The following ROBO2 variants were observed in gnomAD, a reference collection of about 807,000 sequenced individuals.
ROBO2 encodes the protein roundabout homolog 2.
ROBO2 carries 53 observed loss-of-function variants against 160.8 expected under a neutral mutation model. That is an observed-to-expected ratio of 0.33 (90% confidence interval 0.26 to 0.41). ROBO2 has a LOEUF of 0.41. Among genes scored for constraint, ROBO2 ranks in the 10% least tolerant of loss-of-function variants. The pLI, the probability that ROBO2 is intolerant of heterozygous loss-of-function variation, is 1.00. For synonymous variants in ROBO2, 664 were observed against 611.7 expected (o/e 1.09, Z -1.26); for missense variants, 1,577 against 1,722.4 (o/e 0.92, Z 1.49).
intron 2 of ROBO2, among the ~76,000 whole-genome samples, chr3:76,654,334 G>A (rs1042067401): frequency 6.6e-6 from 1 of 152,110 alleles, no homozygotes; most frequent in African/African-American, 2.4e-5. Flanking sequence ...AGTGTTGGCA[G>A]TTAATTACAG....
At chr3:76,317,936 AT>A (rs1480213950) in intron 2 of ROBO2, among the ~76,000 whole-genome samples, 2 of 152,006 alleles carry the variant, frequency 1.3e-5, no homozygotes, top group Admixed American at 6.5e-5. Context: ...TGTCCTGAGT[AT>A]TTTTTATCCA....
intron 2 of ROBO2, among the ~76,000 whole-genome samples, chr3:77,446,329 TATG>T (rs2080507104): frequency 1.3e-5 from 2 of 152,050 alleles, no homozygotes; most frequent in Non-Finnish European, 2.9e-5. Flanking sequence ...CTCTTTCTCA[TATG>T]ATAATGTTTT....
rs898109102 is a variant in ROBO2 at position 77,506,002 on chromosome 3, A to G, written c.806+12620A>G. 3.9e-5 allele frequency among the ~76,000 whole-genome samples: 6 copies of G among 152,160 alleles called. 1 individual carries two copies. The highest frequency in any genetic ancestry group is 4.1e-4 in the South Asian group (2 of 4,834). On this transcript the variant is annotated intron_variant, in intron 5 of 25. Transcript: ENST00000461745. ...ATGCTTCCAGCAGCCTTAAAGTTTG[A>G]GTCCCTTCTTTAAACAGAGGAGAAA...
chr3:76,304,635 G>C (rs1023845665), intron 2 of ROBO2, among the ~76,000 whole-genome samples: 15 of 152,146 alleles, frequency 9.9e-5, no homozygotes, highest in African/African-American at 3.6e-4. Flanking sequence ...TAATGAGAAG[G>C]AAAGTAGTTA....
chr3:76,605,490 T>G (rs562207118), intron 2 of ROBO2, among the ~76,000 whole-genome samples: 1 of 152,292 alleles, frequency 6.6e-6, no homozygotes, highest in South Asian at 2.1e-4. Flanking sequence ...CAATTGTTCA[T>G]GTGAAAAGCC....
intron 1 of ROBO2, among the ~76,000 whole-genome samples, chr3:77,075,118 C>T (rs945847729): frequency 3.9e-5 from 6 of 152,220 alleles, no homozygotes; most frequent in South Asian, 2.1e-4. Flanking sequence ...GTACATAAAA[C>T]GCATCTCTTT....
chr3:76,581,976 G>T (rs1018124631), intron 2 of ROBO2, among the ~76,000 whole-genome samples: 43 of 152,194 alleles, frequency 2.8e-4, no homozygotes, highest in African/African-American at 1.0e-3. Context: ...GAAGTAGGCT[G>T]GTAGAACTGA....
rs372032622 is a variant in ROBO2, at chr3:76,588,416, T to A, written c.110-509598T>A. Among the ~76,000 whole-genome samples, 67 of 152,336 alleles carry A rather than the reference T, an allele frequency of 4.4e-4. 1 individual carries two copies. The South Asian group carries it at 0.013, about 31-fold the overall frequency. ...TTTAATGTTCACATTAGTATACTTG[T>A]TAAAGACTTCTAGAGGATGGATTAA... On this transcript the variant is annotated intron_variant, in intron 2 of 26. Transcript: ENST00000487694.
At chr3:76,249,655 A>G (rs1479556419) in intron 2 of ROBO2, among the ~76,000 whole-genome samples, 2 of 152,242 alleles carry the variant, frequency 1.3e-5, no homozygotes, top group Non-Finnish European at 2.9e-5. Context: ...CAGTGTGTCT[A>G]TGGAATAATA....
At chr3:76,589,267 A>G (rs944830961) in intron 2 of ROBO2, among the ~76,000 whole-genome samples, 1 of 152,204 alleles carries the variant, frequency 6.6e-6, no homozygotes, top group Non-Finnish European at 1.5e-5. Flanking sequence ...TGAAGCTGAA[A>G]AAATGAAAAA....
At chr3:76,110,055 A>G (rs2070151753) in intron 2 of ROBO2, among the ~76,000 whole-genome samples, 1 of 150,904 alleles carries the variant, frequency 6.6e-6, no homozygotes, top group African/African-American at 2.4e-5. Flanking sequence ...ATATATATGA[A>G]TGAATATATA....
intron 2 of ROBO2, among the ~76,000 whole-genome samples, chr3:77,334,354 C>T (rs1362040993): frequency 2.0e-5 from 3 of 152,144 alleles, no homozygotes; most frequent in Admixed American, 1.3e-4. Context: ...GTGTACCTGT[C>T]CTGGATTGCC....
chr3:76,802,627 C>T (rs544472720), intron 2 of ROBO2, among the ~76,000 whole-genome samples: 1 of 151,258 alleles, frequency 6.6e-6, no homozygotes, highest in African/African-American at 2.4e-5. Context: ...ACTCGGGAGG[C>T]TGAGGCAGGA....
At chr3:76,444,574 A>C (rs1295384512) in intron 2 of ROBO2, among the ~76,000 whole-genome samples, 1 of 152,164 alleles carries the variant, frequency 6.6e-6, no homozygotes, top group Non-Finnish European at 1.5e-5. Flanking sequence ...AGTCAAGGGG[A>C]AAGAGCCCCT....
chr3:76,241,800 G>A (rs544352694), intron 2 of ROBO2, among the ~76,000 whole-genome samples: 2 of 152,276 alleles, frequency 1.3e-5, no homozygotes, highest in African/African-American at 4.8e-5. Context: ...AGGAAAAAAT[G>A]TACTGTCTGA....
rs185686361 is a variant in ROBO2 at position 76,935,887 on chromosome 3, C to T, written c.110-162127C>T. On this transcript the variant is annotated intron_variant, in intron 2 of 26. Coordinates refer to the ROBO2 transcript ENST00000487694. ...ATCCCATTCATGAAGACTCTCTGCT[C>T]TCAAGACCTCATCACCCCACAAAGG... Among the ~76,000 whole-genome samples the T allele has an allele frequency of 7.7e-4, 117 of 152,288 alleles. No individual in the cohort carries two copies. In the Middle Eastern group the frequency reaches 0.01, roughly 13 times the overall value.
chr3:76,060,851 A>G (rs1201552699), intron 2 of ROBO2, among the ~76,000 whole-genome samples: 1 of 152,230 alleles, frequency 6.6e-6, no homozygotes, highest in South Asian at 2.1e-4. Context: ...ACAGAGAATA[A>G]GAAATCTCAA....
intron 2 of ROBO2, among the ~76,000 whole-genome samples, chr3:76,180,190 T>C (rs1255341073): frequency 1.3e-5 from 2 of 152,206 alleles, no homozygotes; most frequent in African/African-American, 4.8e-5. Flanking sequence ...CGTTTTCCTC[T>C]GTTTAGCAGT....
intron 2 of ROBO2, among the ~76,000 whole-genome samples, chr3:76,927,650 T>A (rs1453888449): frequency 6.6e-6 from 1 of 152,218 alleles, no homozygotes. Context: ...GTATAGCTTA[T>A]ATTTTTAAAT....
Sources: allele counts gnomAD v4.1 joint callset (sites outside exome capture counted in the v4.1 genomes callset), GRCh38; gene constraint gnomAD v4.1.1; transcripts MANE v1.5; gene names NCBI Gene and HGNC (gene_info 2026-07-23, HGNC 2026-07-21).